The following GRIP2 variants were observed in gnomAD, a reference collection of about 807,000 sequenced individuals.
The protein encoded by GRIP2 is glutamate receptor-interacting protein 2.
A neutral mutation model predicts 108.3 loss-of-function variants in GRIP2; 58 were observed. That is an observed-to-expected ratio of 0.54 (90% CI 0.43 to 0.67). The LOEUF (loss-of-function observed/expected upper bound fraction) is 0.67, where lower values mean the gene tolerates loss of function less well. GRIP2 is among the 30% of genes least tolerant of loss of function. The probability of loss-of-function intolerance (pLI) is 0.00; values close to 1 mark genes in which losing one functional copy is unlikely to be tolerated. For synonymous variants in GRIP2, 586 were observed against 598.2 expected (o/e 0.98, Z 0.30); for missense variants, 1,278 against 1,430.6 (o/e 0.89, Z 1.72).
At chr3:14,565,059 G>A in the GRIP2 span, among the ~76,000 whole-genome samples, 1 of 152,230 alleles carries the variant, frequency 6.6e-6, no homozygotes, top group Non-Finnish European at 1.5e-5. Flanking sequence ...CTGGGTCTCT[G>A]TGCCAGGGGG....
the GRIP2 span, among the ~76,000 whole-genome samples, chr3:14,592,936 C>T: frequency 8.5e-5 from 13 of 152,184 alleles, no homozygotes; most frequent in African/African-American, 2.6e-4. Context: ...CCATCTGACT[C>T]GTGCCCTTCT....
intron 1 of GRIP2, among the ~76,000 whole-genome samples, chr3:14,555,603 G>A (rs895922685): frequency 2.0e-5 from 3 of 151,892 alleles, no homozygotes; most frequent in Admixed American, 2.0e-4. Context: ...GAGACAGCAG[G>A]AGAGAGAGGA....
At chr3:14,556,752 T>C (rs1695242678), upstream of GRIP2, among the ~76,000 whole-genome samples, 1 of 152,228 alleles carries the variant, frequency 6.6e-6, no homozygotes, top group Admixed American at 6.5e-5. Flanking sequence ...TCCCTTCTTG[T>C]CGTACACATG....
chr3:14,543,060 G>T (rs997142369), upstream of GRIP2, among the ~76,000 whole-genome samples: 1 of 152,204 alleles, frequency 6.6e-6, no homozygotes, highest in Non-Finnish European at 1.5e-5. Flanking sequence ...TTGAAGGATG[G>T]GAAGGAGTTT....
Position 14,507,020 on chromosome 3 carries a change from A to C in GRIP2, c.2219-40T>G. 6 of 1,528,420 alleles carry C rather than the reference A, an allele frequency of 3.9e-6. No individual in the cohort carries two copies. Among genetic ancestry groups the C allele is most frequent in the Non-Finnish European group, 5.3e-6 (6 of 1,129,234 alleles). The allele number at this position is 1,528,420 out of a possible 1,614,324, so 94.7% of individuals were successfully genotyped here. A position where few individuals can be genotyped will look rare whatever the true frequency, so the allele number is the denominator to read the frequency against. ...GGGTGTCAATTCTGACTTCAGAGAC[A>C]CTCACAGTGAGCCTCAGTTTCTGCA... On this transcript the variant is annotated intron_variant, in intron 18 of 23. Transcript: ENST00000621039. This position sits in a 1 kb window ranked among gnomAD's most constrained non-coding sequence, Gnocchi z 4.6.
At chr3:14,579,352 C>T in the GRIP2 span, among the ~76,000 whole-genome samples, 1 of 152,154 alleles carries the variant, frequency 6.6e-6, no homozygotes, top group Non-Finnish European at 1.5e-5. Context: ...CTTGTCAAAA[C>T]GTACTAAACT....
At position 14,505,715 on chromosome 3, in the gene GRIP2, G is replaced by C. The variant is rs905642878; in HGVS notation, c.2473C>G (p.Pro825Ala). The change falls in exon 20 of 24, where the codon CCC becomes GCC. Residue 825 changes from proline (P) to alanine (A), a missense_variant. Physicochemically the swap from Pro to Ala is conservative, Grantham distance 27. Coordinates refer to ENST00000621039, the MANE Select transcript of GRIP2 (RefSeq NM_001080423.4). The surrounding 1 kb of genome is among the most constrained non-coding windows in gnomAD (Gnocchi z 4.2). ...GTCCTCCGGGGCTCGGTGGGTGGGG[G>C]GCTGCCCCTCAGCCAGCCAGGCCTC... is the stretch of plus-strand genomic sequence containing the variant. ...ERRPGWLRGS[P>A]PPTEPRRTSY... 1 of 1,591,696 alleles carries C rather than the reference G, an allele frequency of 6.3e-7. No individual in the cohort carries two copies.
intron 9 of GRIP2, 41 bp downstream of exon 9, chr3:14,520,069 C>G (rs969232498): frequency 1.3e-6 from 2 of 1,541,424 alleles, no homozygotes; most frequent in African/African-American, 2.7e-5. Flanking sequence ...GGCCTCATGA[C>G]TGCCCAGGTT....
intron 21 of GRIP2, among the ~76,000 whole-genome samples, chr3:14,498,321 G>A (rs1693672016): frequency 6.6e-6 from 1 of 152,144 alleles, no homozygotes; most frequent in South Asian, 2.1e-4. Flanking sequence ...TTATTAGCCA[G>A]GTGTGGTGAT....
the GRIP2 span, among the ~76,000 whole-genome samples, chr3:14,580,728 CCAA>C: frequency 1.3e-5 from 2 of 152,106 alleles, no homozygotes; most frequent in African/African-American, 4.8e-5. Flanking sequence ...AACAAAAAAC[CCAA>C]AAACCCACTT....
upstream of GRIP2, among the ~76,000 whole-genome samples, chr3:14,559,754 G>T (rs1695290227): frequency 6.6e-6 from 1 of 152,136 alleles, no homozygotes; most frequent in Non-Finnish European, 1.5e-5. Context: ...AGGAAGACAT[G>T]GTCCCTGTCC....
intron 5 of GRIP2, 69 bp downstream of exon 5, chr3:14,523,543 G>A: frequency 1.0e-6 from 1 of 971,006 alleles, no homozygotes; most frequent in Non-Finnish European, 1.6e-6. Context: ...AATCCAAACA[G>A]CACACACATG....
At chr3:14,584,383 T>G in the GRIP2 span, among the ~76,000 whole-genome samples, 1 of 152,184 alleles carries the variant, frequency 6.6e-6, no homozygotes, top group Non-Finnish European at 1.5e-5. Context: ...AAGCCCACCG[T>G]GGAGGCTCCT....
In GRIP2 at chr3:14,505,527, T is replaced by G. The variant is rs1031190709; in HGVS notation, c.2573+88A>C. 1.4e-6 allele frequency: 2 copies of G among 1,425,054 alleles called. No individual in the cohort carries two copies. The highest frequency in any genetic ancestry group is 9.6e-7 in the Non-Finnish European group (1 of 1,043,510). The allele number at this position is 1,425,054 out of a possible 1,614,324, so 88.3% of individuals were successfully genotyped here. A position where few individuals can be genotyped will look rare whatever the true frequency, so the allele number is the denominator to read the frequency against. On this transcript the variant is annotated intron_variant, in intron 20 of 23. Coordinates refer to ENST00000621039, the MANE Select transcript of GRIP2 (RefSeq NM_001080423.4). This position sits in a 1 kb window ranked among gnomAD's most constrained non-coding sequence, Gnocchi z 4.2. ...TCAGGAGCCCGCCAAGACTCTCCAT[T>G]CCCCCACCACTTTGGCACAGGCACC...
the GRIP2 span, among the ~76,000 whole-genome samples, chr3:14,595,283 C>T: frequency 6.6e-6 from 1 of 152,164 alleles, no homozygotes; most frequent in Admixed American, 6.5e-5. Context: ...CTGCCTCAAC[C>T]TCCCAAAGCG....
upstream of GRIP2, among the ~76,000 whole-genome samples, chr3:14,558,990 G>T (rs1695279449): frequency 6.6e-6 from 1 of 152,084 alleles, no homozygotes; most frequent in Non-Finnish European, 1.5e-5. Context: ...ATTACGCCTG[G>T]CACTGACTTG....
At chr3:14,542,533 T>C (rs1363594630), upstream of GRIP2, among the ~76,000 whole-genome samples, 1 of 150,272 alleles carries the variant, frequency 6.7e-6, no homozygotes, top group Non-Finnish European at 1.5e-5. Context: ...AAATGAGTGA[T>C]TAAGATTGGC....
At chr3:14,575,225 A>C in the GRIP2 span, among the ~76,000 whole-genome samples, 3 of 152,208 alleles carry the variant, frequency 2.0e-5, no homozygotes, top group Non-Finnish European at 4.4e-5. Context: ...TTTTAACTAA[A>C]AGAGGAGAAA....
intron 1 of GRIP2, among the ~76,000 whole-genome samples, chr3:14,549,711 T>A (rs1695113582): frequency 6.6e-6 from 1 of 152,136 alleles, no homozygotes; most frequent in Admixed American, 6.5e-5. Flanking sequence ...TCATACTACT[T>A]CTCACCTCTA....
Sources: allele counts gnomAD v4.1 joint callset (sites outside exome capture counted in the v4.1 genomes callset), GRCh38; gene constraint gnomAD v4.1.1; non-coding constraint Gnocchi (gnomAD v3.1); transcripts MANE v1.5; gene names NCBI Gene and HGNC (gene_info 2026-07-23, HGNC 2026-07-21).